EHBP1: variants seen among roughly 807,000 people sequenced by gnomAD.
EHBP1 encodes the protein EH domain-binding protein 1.
Under a neutral mutation model 144.0 loss-of-function variants are expected in EHBP1, and 55 were observed. The ratio of observed to expected loss-of-function variants is 0.38; its 90% CI spans 0.31 to 0.48. EHBP1 has a LOEUF of 0.48. Ranked by LOEUF, EHBP1 falls within the 20% of genes least tolerant of loss-of-function variation. The pLI, the probability that EHBP1 is intolerant of heterozygous loss-of-function variation, is 0.98. For synonymous variants in EHBP1, 469 were observed against 472.7 expected (o/e 0.99, Z 0.10); for missense variants, 1,200 against 1,364.2 (o/e 0.88, Z 1.90).
chr2:62,942,732 A>G lies in EHBP1; in HGVS notation c.1200A>G (p.Pro400=), dbSNP rs1224586537. The change falls in exon 11 of 23, where the codon CCA becomes CCG. Residue 400 remains proline (P), a synonymous_variant. Transcript: ENST00000431489. ...TTTTTTTCTAGCCAAGCCCTATACC[A>G]AGTCCTGTTTTGGGGCGAAAGCCAA... The part of the protein sequence containing the change: ...LSTSPKPSPI[P]SPVLGRKPNA... 5 of 1,605,126 alleles carry G rather than the reference A, an allele frequency of 3.1e-6. No homozygotes were observed. The highest frequency in any genetic ancestry group is 3.4e-6 in the Non-Finnish European group (4 of 1,175,280).
In EHBP1 at chr2:62,836,769, C is replaced by T. The variant is rs371878996; in HGVS notation, c.634+5611C>T. 4.9e-5 allele frequency among the ~76,000 whole-genome samples: 7 copies of T among 143,762 alleles called. No individual in the cohort carries two copies. The East Asian group carries it at 6.2e-4, about 13-fold the overall frequency. The allele number at this position is 143,762 out of a possible 152,430, so 94.3% of individuals were successfully genotyped here. A position where few individuals can be genotyped will look rare whatever the true frequency, so the allele number is the denominator to read the frequency against. On this transcript the variant is annotated intron_variant, in intron 7 of 22. Coordinates refer to ENST00000431489, the MANE Select transcript of EHBP1 (RefSeq NM_001142616.3). ...GGAAGATGAAATGAATGAAATGAAG[C>T]GAGAAGGGAAGTTTAGAGAAAAAAG... is the stretch of plus-strand genomic sequence containing the variant.
intron 1 of EHBP1, among the ~76,000 whole-genome samples, chr2:62,696,626 G>A (rs1312167546): frequency 7.1e-6 from 1 of 140,132 alleles, no homozygotes; most frequent in Non-Finnish European, 1.5e-5. Context: ...CCATTCTCCT[G>A]CCTCAGCCTG....
chr2:62,756,768 C>CA (rs34717027), intron 3 of EHBP1, among the ~76,000 whole-genome samples: 964 of 76,246 alleles, frequency 0.013, 20 homozygotes, highest in African/African-American at 0.03. Flanking sequence ...AACTCTATCT[C>CA]AAAAAAAAAA....
chr2:63,016,133 T>G (rs1574481873), intron 19 of EHBP1, among the ~76,000 whole-genome samples: 1 of 152,196 alleles, frequency 6.6e-6, no homozygotes, highest in Non-Finnish European at 1.5e-5. Context: ...TCTGAAAATT[T>G]TCTACAAAGT....
At position 62,955,507 on chromosome 2, in the gene EHBP1, T is replaced by C; in HGVS notation, c.2317-10T>C. The C allele has an allele frequency of 6.2e-7, 1 of 1,603,934 alleles. No individual in the cohort carries two copies. Among genetic ancestry groups the C allele is most frequent in the Non-Finnish European group, 8.5e-7 (1 of 1,176,144 alleles). ...TTTTTGGCTTCTAATTCTGTATCTT[T>C]GCTTTTAAGCATCGATTGTTATCTA... On this transcript the variant is annotated splice_polypyrimidine_tract_variant and intron_variant, in intron 13 of 22. Transcript: ENST00000431489.
intron 4 of EHBP1, 50 bp downstream of exon 4, chr2:62,764,411 C>A: frequency 7.4e-7 from 1 of 1,342,468 alleles, no homozygotes; most frequent in Non-Finnish European, 1.0e-6. Context: ...ACCAGGGTAC[C>A]AAATGACAGA....
intron 19 of EHBP1, among the ~76,000 whole-genome samples, chr2:63,019,493 G>A (rs1276211755): frequency 1.3e-5 from 2 of 152,092 alleles, no homozygotes; most frequent in Non-Finnish European, 2.9e-5. Context: ...CAGATCACGA[G>A]GTTATGAGTT....
chr2:62,845,184 A>G (rs1365704402), intron 7 of EHBP1, among the ~76,000 whole-genome samples: 3 of 151,760 alleles, frequency 2.0e-5, no homozygotes, highest in Admixed American at 1.3e-4. Flanking sequence ...CCTATAAGGG[A>G]CATGCACATT....
chr2:62,978,360 C>T (rs568606266), intron 14 of EHBP1, among the ~76,000 whole-genome samples: 79 of 151,952 alleles, frequency 5.2e-4, no homozygotes, highest in Admixed American at 1.6e-3. Flanking sequence ...GCCACCATGC[C>T]CAGCTAATTC....
intron 5 of EHBP1, among the ~76,000 whole-genome samples, chr2:62,788,733 C>T (rs139815105): frequency 6.6e-6 from 1 of 152,148 alleles, no homozygotes; most frequent in African/African-American, 2.4e-5. Flanking sequence ...TGCCAATAAG[C>T]TTGATCTTTA....
intron 15 of EHBP1, among the ~76,000 whole-genome samples, chr2:62,986,722 C>T (rs921419151): frequency 7.2e-5 from 11 of 152,088 alleles, no homozygotes; most frequent in African/African-American, 2.2e-4. Flanking sequence ...CAGGCGTGAG[C>T]CACCGCACCC....
At chr2:62,975,990 C>A (rs1242610285) in intron 14 of EHBP1, among the ~76,000 whole-genome samples, 1 of 151,614 alleles carries the variant, frequency 6.6e-6, no homozygotes, top group Non-Finnish European at 1.5e-5. Context: ...CTCCAAAATT[C>A]ATTTCCCACT....
chr2:62,858,328 T>G (rs2049235752), intron 7 of EHBP1: 1 of 877,114 alleles, frequency 1.1e-6, no homozygotes, highest in Admixed American at 2.1e-5. Context: ...TTTGTCTTTT[T>G]GGGTAACAGC....
chr2:62,864,669 AC>A, intron 8 of EHBP1, 61 bp from the exon 9 acceptor site: 1 of 1,500,498 alleles, frequency 6.7e-7, no homozygotes, highest in East Asian at 2.3e-5. Flanking sequence ...AGAACACTAA[AC>A]AATATTAGAA....
intron 14 of EHBP1, among the ~76,000 whole-genome samples, chr2:62,977,608 G>GT (rs957569010): frequency 1.3e-5 from 2 of 151,890 alleles, no homozygotes; most frequent in Non-Finnish European, 1.5e-5. Context: ...CTCTATATAA[G>GT]TTTTTTGAGA....
At chr2:62,747,549 TTTTG>T in intron 3 of EHBP1, 97 bp downstream of exon 3, 1 of 940,950 alleles carries the variant, frequency 1.1e-6, no homozygotes, top group Non-Finnish European at 1.6e-6. Context: ...TTACTTGATG[TTTTG>T]TTTTTTTTTC....
intron 9 of EHBP1, among the ~76,000 whole-genome samples, chr2:62,871,772 A>T (rs182598844): frequency 5.9e-5 from 9 of 152,210 alleles, no homozygotes; most frequent in Admixed American, 6.5e-5. Flanking sequence ...CAGCATATCC[A>T]TAAGCACAAA....
At chr2:63,024,126 A>G (rs2060873550) in intron 19 of EHBP1, among the ~76,000 whole-genome samples, 1 of 152,060 alleles carries the variant, frequency 6.6e-6, no homozygotes. Context: ...TGGGCGGATC[A>G]TGAGGTCAGG....
chr2:62,839,160 A>G (rs2047568851), intron 7 of EHBP1, among the ~76,000 whole-genome samples: 2 of 151,264 alleles, frequency 1.3e-5, no homozygotes, highest in African/African-American at 4.9e-5. Context: ...AGTGGGCTTC[A>G]TCCGTGGGAT....
Sources: allele counts gnomAD v4.1 joint callset (sites outside exome capture counted in the v4.1 genomes callset), GRCh38; gene constraint gnomAD v4.1.1; transcripts MANE v1.5; gene names NCBI Gene and HGNC (gene_info 2026-07-23, HGNC 2026-07-21).